The following SREBF2 variants were observed in gnomAD, a reference collection of about 807,000 sequenced individuals.
The protein encoded by SREBF2 is sterol regulatory element-binding protein 2.
SREBF2 carries 55 observed loss-of-function variants against 113.1 expected under a neutral mutation model. The observed-to-expected ratio is 0.49, with a 90% confidence interval of 0.39 to 0.61. The LOEUF is 0.61. Ranked by LOEUF, SREBF2 falls within the 20% of genes least tolerant of loss-of-function variation. The pLI, the probability that SREBF2 is intolerant of heterozygous loss-of-function variation, is 0.00. For synonymous variants in SREBF2, 593 were observed against 605.7 expected, an observed-to-expected ratio of 0.98 and a Z score of 0.31; for missense variants, 1,349 against 1,487.4, an observed-to-expected ratio of 0.91 and a Z score of 1.53.
intron 1 of SREBF2, among the ~76,000 whole-genome samples, chr22:41,837,180 C>T (rs1387104892): frequency 6.6e-6 from 1 of 152,088 alleles, no homozygotes; most frequent in Non-Finnish European, 1.5e-5. Flanking sequence ...TACTTAGATT[C>T]GGAAGTCCAG....
chr22:41,881,085 G>A, intron 10 of SREBF2, 93 bp downstream of exon 10: 1 of 1,505,450 alleles, frequency 6.6e-7, no homozygotes, highest in South Asian at 1.2e-5. Flanking sequence ...CACCCTAGCT[G>A]AAGTCCCTTT....
At chr22:41,884,768 C>A in intron 10 of SREBF2, 74 bp from the exon 11 acceptor site, 1 of 1,522,810 alleles carries the variant, frequency 6.6e-7, no homozygotes, top group South Asian at 1.1e-5. Flanking sequence ...TTACTTTGAT[C>A]GTGCTGGAGA....
intron 1 of SREBF2, among the ~76,000 whole-genome samples, chr22:41,845,368 G>T (rs2255957): frequency 1.3e-5 from 2 of 152,040 alleles, no homozygotes; most frequent in East Asian, 1.9e-4. Context: ...CATATTCTTC[G>T]CTGTCCTATG....
chr22:41,835,573 G>A (rs1297155975), intron 1 of SREBF2, among the ~76,000 whole-genome samples: 1 of 152,054 alleles, frequency 6.6e-6, no homozygotes, highest in Non-Finnish European at 1.5e-5. Context: ...GCCTCCTAAA[G>A]TGCTGAGATT....
chr22:41,886,706 T>C (rs1182989122), intron 11 of SREBF2, among the ~76,000 whole-genome samples: 1 of 152,160 alleles, frequency 6.6e-6, no homozygotes, highest in Non-Finnish European at 1.5e-5. Flanking sequence ...TTGTTCATCA[T>C]TTCAGTAAAC....
intron 1 of SREBF2, among the ~76,000 whole-genome samples, chr22:41,851,069 A>G (rs1393630351): frequency 6.6e-6 from 1 of 152,092 alleles, no homozygotes; most frequent in Non-Finnish European, 1.5e-5. Flanking sequence ...ACATAATAAT[A>G]TTGGTCTCAG....
rs2077090140 is a variant in SREBF2 at position 41,867,214 on chromosome 22, A to G, written c.472A>G (p.Thr158Ala). Residue 158 changes from threonine to alanine, a missense_variant, in exon 2 of 19, where the codon ACC becomes GCC. Thr to Ala is a moderately conservative substitution (Grantham distance 58). Coordinates refer to ENST00000361204, the MANE Select transcript of SREBF2 (RefSeq NM_004599.4). ...QTVMITPTFS[T>A]TPQTRIIQQP... is the part of the protein sequence containing the mutation. ...GGTAATGATCACGCCAACATTCAGC[A>G]CCACTCCGCAGACGAGGATCATCCA... The G allele has an allele frequency of 1.2e-6, 2 of 1,614,062 alleles. No homozygotes were observed. The highest frequency in any genetic ancestry group is 1.7e-6 in the Non-Finnish European group (2 of 1,180,038).
chr22:41,884,903 G>A lies in SREBF2; in HGVS notation c.2100G>A (p.Leu700=), dbSNP rs775308857. ...DVHMALCAVN[L]AECAEEKIPP... ...ACATGGCGTTGTGTGCCGTGAACCT[G>A]GCTGAATGTGCAGAGGAGAAGATCC... Residue 700 remains leucine, a synonymous_variant, in exon 11 of 19, where the codon CTG becomes CTA. Coordinates refer to ENST00000361204, the MANE Select transcript of SREBF2 (RefSeq NM_004599.4). The A allele has an allele frequency of 6.2e-7, 1 of 1,614,196 alleles. No homozygotes were observed. The highest frequency in any genetic ancestry group is 1.1e-5 in the South Asian group (1 of 91,082).
Position 41,880,766 on chromosome 22 carries a change from G to A in SREBF2, c.1812G>A (p.Leu604=). 6.2e-7 allele frequency: 1 copy of A among 1,614,098 alleles called. No homozygotes were observed. Among genetic ancestry groups the A allele is most frequent in the Non-Finnish European group, 8.5e-7 (1 of 1,180,024 alleles). Residue 604 remains leucine (L), a synonymous_variant, in exon 10 of 19, where the codon TTG becomes TTA. Coordinates refer to ENST00000361204, the MANE Select transcript of SREBF2 (RefSeq NM_004599.4). ...AGNLQTCLAV[L]GRALPTSRLD... is the part of the protein sequence containing the mutation. The stretch of plus-strand genomic sequence containing the variant: ...ACCTACAAACCTGCCTGGCAGTTTT[G>A]GGCCGGGCACTGCCCACCTCCCGCC...
chr22:41,846,623 C>G (rs1482625301), intron 1 of SREBF2, among the ~76,000 whole-genome samples: 1 of 152,240 alleles, frequency 6.6e-6, no homozygotes, highest in Admixed American at 6.5e-5. Flanking sequence ...TCAGGCCTTT[C>G]ACAGGCAGCT....
At chr22:41,881,133 C>T in intron 10 of SREBF2, 141 bp downstream of exon 10, 1 of 1,133,478 alleles carries the variant, frequency 8.8e-7, no homozygotes, top group African/African-American at 1.6e-5. Flanking sequence ...CAAGCTTCTA[C>T]CTGTTTTCAC....
intron 1 of SREBF2, among the ~76,000 whole-genome samples, chr22:41,851,411 A>G (rs375840908): frequency 4.0e-5 from 6 of 151,550 alleles, no homozygotes; most frequent in South Asian, 4.2e-4. Flanking sequence ...TGGGAGCCTG[A>G]GGCAGGAGGA....
At chr22:41,905,206 T>C (rs2077496890) in intron 18 of SREBF2, among the ~76,000 whole-genome samples, 1 of 152,118 alleles carries the variant, frequency 6.6e-6, no homozygotes, top group African/African-American at 2.4e-5. Flanking sequence ...CCAGCACAGG[T>C]GCAGGCATAG....
At chr22:41,835,565 C>T (rs2076765056) in intron 1 of SREBF2, among the ~76,000 whole-genome samples, 1 of 152,132 alleles carries the variant, frequency 6.6e-6, no homozygotes, top group Admixed American at 6.5e-5. Context: ...CCACCTTGGC[C>T]TCCTAAAGTG....
At chr22:41,868,254 A>G (rs1348133743) in intron 2 of SREBF2, among the ~76,000 whole-genome samples, 1 of 152,220 alleles carries the variant, frequency 6.6e-6, no homozygotes. Context: ...CAGTCCTCCC[A>G]AAGTGCACTT....
At chr22:41,840,418 CCTTG>C (rs1602264321) in intron 1 of SREBF2, among the ~76,000 whole-genome samples, 2 of 149,816 alleles carry the variant, frequency 1.3e-5, no homozygotes, top group Non-Finnish European at 2.9e-5. Flanking sequence ...TAACCATCAC[CCTTG>C]GGGGCAATGT....
chr22:41,875,487 C>T lies in SREBF2; in HGVS notation c.1204+36C>T, dbSNP rs201375126. On this transcript the variant is annotated intron_variant, in intron 6 of 18. Coordinates refer to ENST00000361204, the MANE Select transcript of SREBF2 (RefSeq NM_004599.4). ...TGAGAAAAGGCTTGTCAGCCCTGGC[C>T]CAGGTGGGGCTTTGTAAAAGCAGAT... The T allele has an allele frequency of 1.5e-5, 25 of 1,614,060 alleles. No homozygotes were observed. In the African/African-American group the frequency reaches 3.2e-4, roughly 21 times the overall value.
At chr22:41,899,179 CAT>C (rs2077442660) in intron 15 of SREBF2, 1 of 1,135,960 alleles carries the variant, frequency 8.8e-7, no homozygotes, top group Non-Finnish European at 1.1e-6. Context: ...CCCCAAAACT[CAT>C]GTGCACTGGA....
In SREBF2 at chr22:41,875,459, T is replaced by A. The variant is rs762006189; in HGVS notation, c.1204+8T>A. The A allele has an allele frequency of 4.6e-5, 74 of 1,614,102 alleles. No homozygotes were observed. The South Asian group carries it at 7.8e-4, about 17-fold the overall frequency. On this transcript the variant is annotated splice_region_variant and intron_variant, in intron 6 of 18. Coordinates refer to ENST00000361204, the MANE Select transcript of SREBF2 (RefSeq NM_004599.4). ...TGGCAAATCAAAAGAACAGTAAGTG[T>A]GCTGAGAAAAGGCTTGTCAGCCCTG... is the stretch of plus-strand genomic sequence containing the variant.
Sources: allele counts gnomAD v4.1 joint callset (sites outside exome capture counted in the v4.1 genomes callset), GRCh38; gene constraint gnomAD v4.1.1; transcripts MANE v1.5; gene names NCBI Gene and HGNC (gene_info 2026-07-23, HGNC 2026-07-21).